The following CTTN variants were observed in gnomAD, a reference collection of about 807,000 sequenced individuals.
CTTN encodes cortactin.
CTTN carries 28 observed loss-of-function variants against 84.0 expected under a neutral mutation model. The observed-to-expected ratio is 0.33, with a 90% CI of 0.25 to 0.46. The LOEUF (loss-of-function observed/expected upper bound fraction) is 0.46, where lower values mean the gene tolerates loss of function less well. Among genes scored for constraint, CTTN ranks in the 20% least tolerant of loss-of-function variants. The pLI is 1.00. For missense variants in CTTN, 641 were observed against 723.8 expected (o/e 0.89, Z 1.31); for synonymous variants, 301 against 288.8 (o/e 1.04, Z -0.43).
chr11:70,409,708 C>A (rs2135557529), intron 4 of CTTN, 123 bp from the exon 5 acceptor site: 1 of 1,110,164 alleles, frequency 9.0e-7, no homozygotes. Flanking sequence ...AATCGGTGAA[C>A]ATCAGATAAG....
At chr11:70,416,959 A>T in intron 7 of CTTN, 54 bp from the exon 8 acceptor site, 1 of 1,241,540 alleles carries the variant, frequency 8.1e-7, no homozygotes, top group Non-Finnish European at 1.2e-6. Context: ...TAACAAAAGG[A>T]ACAGTGTAGT....
At chr11:70,417,416 G>A (rs773608224) in intron 8 of CTTN, among the ~76,000 whole-genome samples, 2 of 151,878 alleles carry the variant, frequency 1.3e-5, no homozygotes, top group Admixed American at 1.3e-4. Context: ...GCCCGGACTG[G>A]TCTTGATCTC....
chr11:70,423,080 C>G (rs12224103), intron 12 of CTTN, 85 bp downstream of exon 12: 41,986 of 1,507,242 alleles, frequency 0.028, 708 homozygotes, highest in East Asian at 0.063. Context: ...CCAACATCCA[C>G]GCGCTGGGGT....
intron 1 of CTTN, among the ~76,000 whole-genome samples, chr11:70,399,906 G>A (rs2135541743): frequency 6.6e-6 from 1 of 152,220 alleles, no homozygotes; most frequent in East Asian, 1.9e-4. Flanking sequence ...AAGCCCGGCC[G>A]GGCCCAAGGC....
At chr11:70,412,494 C>T (rs1270803926) in intron 5 of CTTN, among the ~76,000 whole-genome samples, 1 of 151,996 alleles carries the variant, frequency 6.6e-6, no homozygotes. Flanking sequence ...AACTTGCCCA[C>T]TCCAGAAACT....
chr11:70,416,052 A>G (rs1446369242), intron 7 of CTTN: 1 of 294,410 alleles, frequency 3.4e-6, no homozygotes, highest in South Asian at 6.1e-5. Flanking sequence ...AAGAGAGCTC[A>G]CAGATTGATC....
chr11:70,431,875 C>T (rs995084052), intron 15 of CTTN, among the ~76,000 whole-genome samples: 3 of 152,308 alleles, frequency 2.0e-5, no homozygotes, highest in African/African-American at 4.8e-5. Context: ...CTTTGGGTCT[C>T]CTGCTCCCCG....
chr11:70,401,567 G>A (rs758026505), intron 1 of CTTN, among the ~76,000 whole-genome samples: 1 of 152,014 alleles, frequency 6.6e-6, no homozygotes, highest in Non-Finnish European at 1.5e-5. Context: ...AGAATCGCTT[G>A]AACCCAGGAG....
In CTTN at chr11:70,415,697, A is replaced by G; in HGVS notation, c.437A>G (p.Glu146Gly). The G allele has an allele frequency of 1.2e-6, 2 of 1,614,184 alleles. No individual in the cohort carries two copies. The highest frequency in any genetic ancestry group is 1.7e-6 in the Non-Finnish European group (2 of 1,179,990). The part of the protein sequence containing the change: ...AVGFEYQGKT[E>G]KHASQKDYSS... ...GGCTTTGAATACCAGGGGAAGACTG[A>G]GAAGCATGCCTCCCAGAAAGGTAAG... is the stretch of plus-strand genomic sequence containing the variant. The change falls in exon 7 of 18, where the codon GAG becomes GGG. Residue 146 changes from glutamate (E) to glycine (G), a missense_variant. Around this residue, in one of 3 missense-constraint regions of CTTN, gnomAD observed 284 missense variants for 348.4 expected, o/e 0.82. Transcript: ENST00000301843.
intron 15 of CTTN, among the ~76,000 whole-genome samples, chr11:70,431,601 A>G (rs1484334431): frequency 6.6e-6 from 1 of 152,038 alleles, no homozygotes; most frequent in Non-Finnish European, 1.5e-5. Context: ...TCTTCACCCC[A>G]CTTGCTCTCT....
At chr11:70,420,913 G>A (rs2058229028) in intron 10 of CTTN, among the ~76,000 whole-genome samples, 1 of 152,230 alleles carries the variant, frequency 6.6e-6, no homozygotes, top group Non-Finnish European at 1.5e-5. Flanking sequence ...AGCCTGCAGT[G>A]CTCCTCATCC....
At chr11:70,420,214 G>A in intron 9 of CTTN, 186 bp from the exon 10 acceptor site, 1 of 616,948 alleles carries the variant, frequency 1.6e-6, no homozygotes, top group East Asian at 2.7e-5. Context: ...TCATAGACTA[G>A]GTTATTTCCT....
rs2058328144 is a variant in CTTN at position 70,429,131 on chromosome 11, G to A, written c.1108G>A (p.Glu370Lys). 6 of 1,614,032 alleles carry A rather than the reference G, an allele frequency of 3.7e-6. 1 individual carries two copies. The highest frequency in any genetic ancestry group is 3.3e-5 in the South Asian group (3 of 91,092). ...EKEQEDRRKA[E>K]AERAQRMAKE... The stretch of plus-strand genomic sequence containing the variant: ...AGAGCAGGAGGACAGGCGGAAGGCG[G>A]AGGCGGAGAGAGCCCAGCGGATGGC... The change falls in exon 14 of 18, where the codon GAG becomes AAG. Residue 370 changes from glutamate to lysine, a missense_variant. Around this residue, in one of 3 missense-constraint regions of CTTN, gnomAD observed 289 missense variants for 273.1 expected, o/e 1.06. Coordinates refer to ENST00000301843, the MANE Select transcript of CTTN (RefSeq NM_005231.4).
intron 14 of CTTN, 23 bp downstream of exon 14, chr11:70,429,222 C>A: frequency 6.2e-7 from 1 of 1,602,362 alleles, no homozygotes; most frequent in East Asian, 2.2e-5. Flanking sequence ...GAGTGGGCCG[C>A]AGCGCACCCT....
chr11:70,418,120 T>C (rs1170261858), intron 8 of CTTN, among the ~76,000 whole-genome samples: 1 of 139,786 alleles, frequency 7.2e-6, no homozygotes, highest in Non-Finnish European at 1.6e-5. Context: ...ATTTAAAAAC[T>C]CAAAAAAAAA....
chr11:70,407,757 T>G, intron 4 of CTTN, 166 bp downstream of exon 4: 1 of 603,220 alleles, frequency 1.7e-6, no homozygotes, highest in Non-Finnish European at 2.9e-6. Flanking sequence ...CACATATATG[T>G]GTATTTGTGT....
At chr11:70,399,065 AG>A in intron 1 of CTTN, among the ~76,000 whole-genome samples, 1 of 7,120 alleles carries the variant, frequency 1.4e-4, no homozygotes, top group Non-Finnish European at 2.5e-4. Flanking sequence ...CCCGAGGGAG[AG>A]GGGCTGGGCC....
At chr11:70,434,681 C>T (rs1003530085) in intron 17 of CTTN, among the ~76,000 whole-genome samples, 1 of 152,244 alleles carries the variant, frequency 6.6e-6, no homozygotes, top group Non-Finnish European at 1.5e-5. Context: ...GCCTCCGCAG[C>T]CCATCTCCCC....
chr11:70,408,100 G>A (rs912689577), intron 4 of CTTN: 1 of 152,616 alleles, frequency 6.6e-6, no homozygotes, highest in African/African-American at 2.4e-5. Flanking sequence ...TTCTCACTTG[G>A]CACTATCTAA....
Sources: allele counts gnomAD v4.1 joint callset (sites outside exome capture counted in the v4.1 genomes callset), GRCh38; gene constraint gnomAD v4.1.1; regional missense constraint gnomAD v4.1.1; transcripts MANE v1.5; gene names NCBI Gene and HGNC (gene_info 2026-07-23, HGNC 2026-07-21).